Variants in FANCI observed in about 807,000 individuals in gnomAD.
FANCI encodes the protein FA complementation group I, also known as Fanconi anemia group I protein.
FANCI carries 156 observed loss-of-function variants against 176.1 expected under a neutral mutation model. The observed-to-expected ratio is 0.89, with a 90% confidence interval of 0.78 to 1.01. FANCI has a LOEUF of 1.01. Ranked by LOEUF, FANCI falls within the 50% of genes least tolerant of loss-of-function variation. The pLI, the probability that FANCI is intolerant of heterozygous loss-of-function variation, is 0.00. For synonymous variants in FANCI, 613 were observed against 541.7 expected, an observed-to-expected ratio of 1.13 and a Z score of -1.83; for missense variants, 1,678 against 1,534.1, an observed-to-expected ratio of 1.09 and a Z score of -1.57.
intron 24 of FANCI, among the ~76,000 whole-genome samples, chr15:89,295,734 C>G (rs1471721041): frequency 7.0e-6 from 1 of 142,970 alleles, no homozygotes; most frequent in Non-Finnish European, 1.5e-5. Context: ...CCCCTGGCGC[C>G]CCCCCCACCT....
At chr15:89,302,439 A>G (rs1210983567) in intron 27 of FANCI, among the ~76,000 whole-genome samples, 1 of 152,202 alleles carries the variant, frequency 6.6e-6, no homozygotes, top group African/African-American at 2.4e-5. Flanking sequence ...TTGAGAGAAA[A>G]TAAATGGATT....
intron 14 of FANCI, among the ~76,000 whole-genome samples, chr15:89,280,706 T>C (rs753248498): frequency 6.6e-6 from 1 of 152,202 alleles, no homozygotes; most frequent in Non-Finnish European, 1.5e-5. Context: ...ATATTTGATA[T>C]TGCTCTGTGA....
At position 89,294,993 on chromosome 15, in the gene FANCI, A is replaced by C; in HGVS notation, c.2535A>C (p.Val845=). 1 of 1,552,326 alleles carries C rather than the reference A, an allele frequency of 6.4e-7. No homozygotes were observed. Among genetic ancestry groups the C allele is most frequent in the East Asian group, 2.4e-5 (1 of 40,918 alleles). Residue 845 remains valine (V), a synonymous_variant, in exon 24 of 38, where the codon GTA becomes GTC. Coordinates refer to ENST00000310775, the MANE Select transcript of FANCI (RefSeq NM_001113378.2). The stretch of plus-strand genomic sequence containing the variant: ...AGTTTATGCGCTATGCAGTGAATGT[A>C]GCTCTGCAGAAAGTACAGCAGCTAA... The part of the protein sequence containing the change: ...SNEFMRYAVN[V]ALQKVQQLKE...
rs762294213 is a variant in FANCI at position 89,281,771 on chromosome 15, C to T, written c.1519C>T (p.Leu507Phe). ...CCCACTGATTCTTTTTCAGCCCCTT[C>T]TCAAAGTCAGCATGTCAATGAGAGA... is the stretch of plus-strand genomic sequence containing the variant. ...QRLLKAVQPL[L>F]KVSMSMRDCL... The change falls in exon 16 of 38, where the codon CTC becomes TTC. Residue 507 changes from leucine to phenylalanine, a missense_variant. By Grantham distance (22) the Leu-to-Phe change is conservative. This residue lies in a region of FANCI where 1,204 missense variants were observed against 1,077.4 expected (regional missense o/e 1.12). Transcript: ENST00000310775. 3 of 1,613,902 alleles carry T rather than the reference C, an allele frequency of 1.9e-6. No individual in the cohort carries two copies. Among genetic ancestry groups the T allele is most frequent in the South Asian group, 2.2e-5 (2 of 91,082 alleles).
At chr15:89,300,620 A>G (rs1342284297) in intron 26 of FANCI, among the ~76,000 whole-genome samples, 1 of 152,220 alleles carries the variant, frequency 6.6e-6, no homozygotes, top group Non-Finnish European at 1.5e-5. Flanking sequence ...TCTAAGGACC[A>G]CTGTTTGAGT....
chr15:89,278,849 GA>G (rs1229393451), intron 14 of FANCI, 75 bp downstream of exon 14: 5 of 1,267,446 alleles, frequency 3.9e-6, no homozygotes, highest in African/African-American at 3.0e-5. Flanking sequence ...TTGGTCCTGG[GA>G]AAAAAATTTT....
Position 89,316,728 on chromosome 15 carries a change from A to G in FANCI, c.*269A>G, listed in dbSNP as rs1481179865. The G allele has an allele frequency of 1.9e-6, 3 of 1,595,468 alleles. No homozygotes were observed. Among genetic ancestry groups the G allele is most frequent in the Admixed American group, 3.3e-5 (2 of 59,978 alleles). ...CACCCCGATGAAGCTCCACGGGAGC[A>G]AATACAGAGCCTCCAGGCAGTGCTA... On this transcript the variant is annotated 3_prime_UTR_variant, in exon 38 of 38. Transcript: ENST00000310775.
intron 16 of FANCI, chr15:89,282,186 C>T (rs1391260886): frequency 3.1e-6 from 1 of 324,272 alleles, no homozygotes; most frequent in Non-Finnish European, 6.0e-6. Context: ...GTACTTTGCT[C>T]TACTACATTA....
chr15:89,292,190 A>G (rs185471445), intron 20 of FANCI, among the ~76,000 whole-genome samples: 136 of 152,070 alleles, frequency 8.9e-4, no homozygotes, highest in African/African-American at 3.2e-3. Flanking sequence ...AAAAATGGAA[A>G]CTCCCACCCC....
chr15:89,265,656 T>A (rs1171680080), intron 9 of FANCI, among the ~76,000 whole-genome samples: 1 of 152,064 alleles, frequency 6.6e-6, no homozygotes, highest in Non-Finnish European at 1.5e-5. Context: ...CCTGAGTAGC[T>A]GAGATTGCAG....
Position 89,268,405 on chromosome 15 carries a change from G to T in FANCI, c.762G>T (p.Leu254Phe). Residue 254 changes from leucine (L) to phenylalanine (F), a missense_variant, in exon 10 of 38, where the codon TTG becomes TTT. Leu to Phe is a conservative substitution (Grantham distance 22). Coordinates refer to ENST00000310775, the MANE Select transcript of FANCI (RefSeq NM_001113378.2). The stretch of plus-strand genomic sequence containing the variant: ...TTTCTGTTGAATCTTTTAGGCTATT[G>T]GATGTTGTCACTGTGCCATCAGGTG... ...HNEEQSGDEL[L>F]DVVTVPSGEL... is the part of the protein sequence containing the mutation. 6.2e-7 allele frequency: 1 copy of T among 1,614,138 alleles called. No homozygotes were observed. Among genetic ancestry groups the T allele is most frequent in the Non-Finnish European group, 8.5e-7 (1 of 1,180,030 alleles).
intron 37 of FANCI, among the ~76,000 whole-genome samples, chr15:89,315,950 C>T (rs904189708): frequency 1.3e-5 from 2 of 152,194 alleles, no homozygotes; most frequent in Admixed American, 6.5e-5. Flanking sequence ...AGTAGCAAAT[C>T]AGTAGCCCAC....
At chr15:89,268,341 C>T in intron 9 of FANCI, 58 bp from the exon 10 acceptor site, 1 of 1,602,700 alleles carries the variant, frequency 6.2e-7, no homozygotes, top group Non-Finnish European at 8.5e-7. Flanking sequence ...AAAGTGCTGG[C>T]ATTACAGGCA....
chr15:89,286,918 T>C (rs1287382145), intron 18 of FANCI, among the ~76,000 whole-genome samples: 1 of 151,532 alleles, frequency 6.6e-6, no homozygotes, highest in African/African-American at 2.4e-5. Flanking sequence ...TTATGTTAGC[T>C]ATATCTTCTG....
intron 26 of FANCI, among the ~76,000 whole-genome samples, chr15:89,300,637 A>G (rs959527705): frequency 1.3e-5 from 2 of 152,206 alleles, no homozygotes; most frequent in African/African-American, 4.8e-5. Flanking sequence ...GAGTTGATGT[A>G]AACAGAAAGG....
chr15:89,303,904 A>G lies in FANCI; in HGVS notation c.3047A>G (p.Glu1016Gly), dbSNP rs137886840. 1 of 1,613,936 alleles carries G rather than the reference A, an allele frequency of 6.2e-7. No individual in the cohort carries two copies. Among genetic ancestry groups the G allele is most frequent in the Non-Finnish European group, 8.5e-7 (1 of 1,179,924 alleles). Residue 1016 changes from glutamate (E) to glycine (G), a missense_variant, in exon 28 of 38, where the codon GAA becomes GGA. Glu to Gly is a moderately conservative substitution (Grantham distance 98). Coordinates refer to ENST00000310775, the MANE Select transcript of FANCI (RefSeq NM_001113378.2). ...MLSWTSKICK[E>G]NSREDALFCK... is the part of the protein sequence containing the mutation. ...TCCTGGACATCAAAGATTTGCAAGG[A>G]AAACAGCCGGGGTAAGTTTACTGCC...
chr15:89,316,295 A>G (rs1005710022), intron 37 of FANCI, 102 bp from the exon 38 acceptor site: 1 of 1,202,772 alleles, frequency 8.3e-7, no homozygotes, highest in East Asian at 2.5e-5. Context: ...ATGACTAACA[A>G]AGGCTTTGAT....
chr15:89,311,072 A>T (rs1367306824), intron 34 of FANCI, among the ~76,000 whole-genome samples: 1 of 151,252 alleles, frequency 6.6e-6, no homozygotes, highest in Non-Finnish European at 1.5e-5. Flanking sequence ...CCCGGCCAAC[A>T]TGGTGAAACC....
intron 9 of FANCI, 132 bp from the exon 10 acceptor site, chr15:89,268,267 G>GT: frequency 1.1e-6 from 1 of 935,428 alleles, no homozygotes; most frequent in Non-Finnish European, 1.7e-6. Context: ...TGATTTTTTT[G>GT]TATTTTTAGT....
Sources: allele counts gnomAD v4.1 joint callset (sites outside exome capture counted in the v4.1 genomes callset), GRCh38; gene constraint gnomAD v4.1.1; regional missense constraint gnomAD v4.1.1; transcripts MANE v1.5; gene names NCBI Gene and HGNC (gene_info 2026-07-23, HGNC 2026-07-21).